The following UTRN variants were observed in gnomAD, a reference collection of about 807,000 sequenced individuals.
UTRN encodes the protein dystrophin-related protein 1.
In UTRN, 283 loss-of-function variants were observed where a neutral mutation model predicts 463.9. The ratio of observed to expected loss-of-function variants is 0.61; its 90% CI spans 0.55 to 0.67. The LOEUF is 0.67. Among genes scored for constraint, UTRN ranks in the 30% least tolerant of loss-of-function variants. The probability of loss-of-function intolerance (pLI) is 0.00; values close to 1 mark genes in which losing one functional copy is unlikely to be tolerated. For missense variants in UTRN, 3,922 were observed against 4,084.3 expected (o/e 0.96, Z 1.08); for synonymous variants, 1,442 against 1,431.5 (o/e 1.01, Z -0.17).
At position 144,694,973 on chromosome 6, in the gene UTRN, C is replaced by CT. The variant is rs66962922; in HGVS notation, c.7653-5100dup. Among the ~76,000 whole-genome samples, 1,189 of 138,486 alleles carry CT rather than the reference C, an allele frequency of 8.6e-3. 19 individuals are homozygous for CT. Among genetic ancestry groups the CT allele is most frequent in the African/African-American group, 0.027 (1,023 of 37,620 alleles). The allele number at this position is 138,486 out of a possible 152,430, so 90.9% of individuals were successfully genotyped here. ...CCCAAATTCTCTCTCTGCAGGTGGC[C>CT]TTTTTTTTTTTTTTGAGAGTGAGGC... On this transcript the variant is annotated intron_variant, in intron 52 of 74. Coordinates refer to ENST00000367545, the MANE Select transcript of UTRN (RefSeq NM_007124.3).
intron 51 of UTRN, among the ~76,000 whole-genome samples, chr6:144,676,761 A>C (rs573680727): frequency 6.6e-5 from 10 of 152,312 alleles, no homozygotes; most frequent in African/African-American, 2.2e-4. Flanking sequence ...CTTGTATATA[A>C]AAATATTCTT....
chr6:144,311,646 T>C (rs1047185420), intron 2 of UTRN: 2 of 152,228 alleles, frequency 1.3e-5, no homozygotes, highest in Non-Finnish European at 2.9e-5. Flanking sequence ...CCAGAAAACC[T>C]AATTGTTAAT....
rs1433313334 is a variant in UTRN at position 144,285,774 on chromosome 6, G to A, written c.-140G>A. 6.6e-6 allele frequency: 1 copy of A among 152,438 alleles called. No homozygotes were observed. Among genetic ancestry groups the A allele is most frequent in the Non-Finnish European group, 1.5e-5 (1 of 68,368 alleles). The allele number at this position is 152,438 out of a possible 1,614,324, so 9.4% of individuals were successfully genotyped here. ...TCCTAGAGGAGCCCTTGGCCAGCTC[G>A]GGGTGCGGCGGTGGCGACCGGCAGG... On this transcript the variant is annotated 5_prime_UTR_variant, in exon 1 of 75. Coordinates refer to ENST00000367545, the MANE Select transcript of UTRN (RefSeq NM_007124.3).
intron 23 of UTRN, among the ~76,000 whole-genome samples, chr6:144,471,013 G>A (rs1024494013): frequency 2.1e-5 from 3 of 140,586 alleles, no homozygotes; most frequent in South Asian, 2.4e-4. Flanking sequence ...GAGGGAGACC[G>A]TGCAAAGGGG....
At chr6:144,711,535 G>A (rs777868312) in intron 53 of UTRN, among the ~76,000 whole-genome samples, 2 of 152,182 alleles carry the variant, frequency 1.3e-5, no homozygotes, top group African/African-American at 2.4e-5. Context: ...AATGTATATA[G>A]TGTTTGTAAT....
At chr6:144,458,631 G>A (rs1318787112) in intron 19 of UTRN, 139 bp from the exon 20 acceptor site, 2 of 929,734 alleles carry the variant, frequency 2.2e-6, no homozygotes, top group Admixed American at 6.4e-5. Flanking sequence ...AATTTTTGTT[G>A]TTGTATTAAA....
intron 2 of UTRN, among the ~76,000 whole-genome samples, chr6:144,354,123 G>A (rs1360923738): frequency 1.3e-5 from 2 of 152,144 alleles, no homozygotes; most frequent in African/African-American, 4.8e-5. Context: ...TTCTCATTTT[G>A]CAACTGTTTT....
chr6:144,842,110 CAA>C (rs35954430), intron 73 of UTRN, among the ~76,000 whole-genome samples: 64 of 62,090 alleles, frequency 1.0e-3, no homozygotes, highest in African/African-American at 2.7e-3. Context: ...ACTTCCTCTC[CAA>C]AAAAAAAAAA....
At position 144,577,396 on chromosome 6, in the gene UTRN, C is replaced by T. The variant is rs115649544; in HGVS notation, c.7479+108C>T. ...AAAGGTGAAGTTGTCACTTTATTCT[C>T]TTATGAAATCCGTGCTCTCCTGTGA... On this transcript the variant is annotated intron_variant, in intron 51 of 74. Coordinates refer to ENST00000367545, the MANE Select transcript of UTRN (RefSeq NM_007124.3). 2.4e-3 allele frequency: 2,683 copies of T among 1,125,500 alleles called. 46 individuals are homozygous for T. In the African/African-American group the frequency reaches 0.036, roughly 15 times the overall value. 69.7% of individuals were successfully genotyped at this position (1,125,500 alleles called of 1,614,324 possible). A position where few individuals can be genotyped will look rare whatever the true frequency, so the allele number is the denominator to read the frequency against.
rs181870854 is a variant in UTRN at position 144,446,994 on chromosome 6, T to C, written c.1615-217T>C. On this transcript the variant is annotated intron_variant, in intron 14 of 74. Coordinates refer to ENST00000367545, the MANE Select transcript of UTRN (RefSeq NM_007124.3). Reference sequence around the variant, plus strand: ...TAGTTCCCTAGGTATGAGGCTAATGTCTGATTGTTCTGTTACAAATCTGAG... The same window carrying C: ...TAGTTCCCTAGGTATGAGGCTAATGCCTGATTGTTCTGTTACAAATCTGAG... 2.9e-4 allele frequency among the ~76,000 whole-genome samples: 44 copies of C among 152,362 alleles called. 1 individual carries two copies. The highest frequency in any genetic ancestry group is 8.4e-4 in the African/African-American group (35 of 41,588).
intron 41 of UTRN, among the ~76,000 whole-genome samples, chr6:144,528,599 G>A (rs1034463358): frequency 1.3e-5 from 2 of 152,174 alleles, no homozygotes; most frequent in African/African-American, 4.8e-5. Flanking sequence ...GCTACTGGGT[G>A]CTGAGCGGGT....
Position 144,522,190 on chromosome 6 carries a change from T to A in UTRN, c.5733+19T>A. ...TCTGAAGGTAGACCTCTGGGCACTG[T>A]GTTTGAATGGCCACAGTTAATGTAG... On this transcript the variant is annotated intron_variant, in intron 40 of 74. Transcript: ENST00000367545. The A allele has an allele frequency of 6.8e-7, 1 of 1,460,598 alleles. No homozygotes were observed. Among genetic ancestry groups the A allele is most frequent in the African/African-American group, 1.4e-5 (1 of 69,276 alleles). The allele number at this position is 1,460,598 out of a possible 1,614,324, so 90.5% of individuals were successfully genotyped here. A position where few individuals can be genotyped will look rare whatever the true frequency, so the allele number is the denominator to read the frequency against.
At chr6:144,808,092 G>A (rs891334338) in intron 65 of UTRN, among the ~76,000 whole-genome samples, 1 of 152,010 alleles carries the variant, frequency 6.6e-6, no homozygotes, top group African/African-American at 2.4e-5. Context: ...TGGAAAATAG[G>A]GGTTTGTGTA....
rs138643525 is a variant in UTRN at position 144,769,457 on chromosome 6, CATCT to C, written c.8496-2449_8496-2446del. Among the ~76,000 whole-genome samples, 325 of 152,270 alleles carry C rather than the reference CATCT, an allele frequency of 2.1e-3. 6 individuals carry two copies. The East Asian group carries it at 0.049, about 23-fold the overall frequency. ...AAGGGAGATGCCCGTTCCCTCCCTC[CATCT>C]GTTTGCCAAATGTGTGTGTTCCGTC... On this transcript the variant is annotated intron_variant, in intron 58 of 74. Transcript: ENST00000367545.
intron 2 of UTRN, among the ~76,000 whole-genome samples, chr6:144,366,402 A>G (rs1779510861): frequency 6.6e-6 from 1 of 152,002 alleles, no homozygotes; most frequent in Non-Finnish European, 1.5e-5. Context: ...CCTTCCTCCC[A>G]TCTTCCAGCC....
chr6:144,490,147 C>A lies in UTRN; in HGVS notation c.4211C>A (p.Thr1404Asn). 1 of 1,613,808 alleles carries A rather than the reference C, an allele frequency of 6.2e-7. No individual in the cohort carries two copies. The stretch of plus-strand genomic sequence containing the variant: ...AGAAATATGCGTTCTCAGCCCCTGA[C>A]CTCCCCAGAGAGTAGGACTGCCAGA... ...LRRNMRSQPLTSPESRTARGG... is the reference protein window; with the variant it reads ...LRRNMRSQPLNSPESRTARGG... The change falls in exon 31 of 75, where the codon ACC (threonine) becomes AAC (asparagine). Residue 1404 changes from threonine to asparagine, a missense_variant. This residue lies in a region of UTRN where 2,349 missense variants were observed against 2,303.8 expected (regional missense o/e 1.02). Coordinates refer to ENST00000367545, the MANE Select transcript of UTRN (RefSeq NM_007124.3).
chr6:144,482,422 T>TATC (rs772773927), intron 27 of UTRN, 34 bp downstream of exon 27: 2 of 1,141,060 alleles, frequency 1.8e-6, no homozygotes, highest in Non-Finnish European at 2.2e-6. Flanking sequence ...TTATTATTAT[T>TATC]ATTATTATTA....
rs1231636081 is a variant in UTRN at position 144,531,125 on chromosome 6, G to A, written c.5980G>A (p.Glu1994Lys). 2 of 1,614,042 alleles carry A rather than the reference G, an allele frequency of 1.2e-6. No individual in the cohort carries two copies. The highest frequency in any genetic ancestry group is 3.3e-5 in the Admixed American group (2 of 60,020). ...DLNDLTQWIT[E>K]AEELLVDTCA... is the part of the protein sequence containing the mutation. ...TAATGACCTCACACAGTGGATAACA[G>A]AGGCTGAAGAATTACTGGTTGATAC... Residue 1994 changes from glutamate (E) to lysine (K), a missense_variant, in exon 42 of 75, where the codon GAG (glutamate) becomes AAG (lysine). Transcript: ENST00000367545.
intron 34 of UTRN, among the ~76,000 whole-genome samples, chr6:144,502,859 T>C (rs1794325055): frequency 6.6e-6 from 1 of 152,182 alleles, no homozygotes. Flanking sequence ...TAATTTACAC[T>C]CCCACCAACA....
Sources: gnomAD v4.1 joint callset for allele counts (sites outside exome capture counted in the v4.1 genomes callset) on GRCh38, gnomAD v4.1.1 for gene constraint, gnomAD v4.1.1 regional missense constraint, MANE v1.5 for transcripts, NCBI Gene and HGNC (gene_info 2026-07-23, HGNC 2026-07-21) for gene names.